Variants in HNRNPH1 observed in about 807,000 individuals in gnomAD.
HNRNPH1 encodes heterogeneous nuclear ribonucleoprotein H.
In HNRNPH1, 4 loss-of-function variants were observed where a neutral mutation model predicts 58.6. The ratio of observed to expected loss-of-function variants is 0.07; its 90% CI spans 0.03 to 0.16. The LOEUF (loss-of-function observed/expected upper bound fraction) is 0.16, where lower values mean the gene tolerates loss of function less well. HNRNPH1 is among the 10% of genes least tolerant of loss of function. The probability of loss-of-function intolerance (pLI) is 1.00; values close to 1 mark genes in which losing one functional copy is unlikely to be tolerated. For missense variants in HNRNPH1, 271 were observed against 564.2 expected, an observed-to-expected ratio of 0.48 and a Z score of 5.26; for synonymous variants, 192 against 189.2, an observed-to-expected ratio of 1.01 and a Z score of -0.12.
intron 10 of HNRNPH1, 192 bp from the exon 12 acceptor site, chr5:179,616,410 A>C: frequency 1.7e-6 from 1 of 599,232 alleles, no homozygotes; most frequent in Non-Finnish European, 3.0e-6. Flanking sequence ...AAATATTGAT[A>C]AACCAAAGTG....
In HNRNPH1 at chr5:179,622,300, G is replaced by T. The variant is rs1401146860; in HGVS notation, c.97+737C>A. 3.3e-5 allele frequency among the ~76,000 whole-genome samples: 5 copies of T among 152,248 alleles called. No individual in the cohort carries two copies. In the East Asian group the frequency reaches 9.6e-4, roughly 29 times the overall value. Reference sequence around the variant, plus strand: ...CCTTTTTAAGAAAACACCAAAACTGGAAACAAGAGGTTACACTTCAAGATA... The same window carrying T: ...CCTTTTTAAGAAAACACCAAAACTGTAAACAAGAGGTTACACTTCAAGATA... On this transcript the variant is annotated intron_variant, in intron 1 of 12. Transcript: ENST00000356731.
exon 13 of HNRNPH1, chr5:179,614,926 C>T (rs1458543752): frequency 7.1e-6 from 11 of 1,549,600 alleles, no homozygotes; most frequent in South Asian, 1.2e-5. Flanking sequence ...GCTTCCACTA[C>T]TGTAGTAGCT....
upstream of HNRNPH1, among the ~76,000 whole-genome samples, chr5:179,627,778 C>T (rs576888628): frequency 5.6e-4 from 81 of 144,436 alleles, 1 homozygote; most frequent in East Asian, 0.01. Context: ...AAAAATTAGC[C>T]GGGCATGGTG....
upstream of HNRNPH1, among the ~76,000 whole-genome samples, chr5:179,628,814 TG>T (rs1391616579): frequency 6.6e-6 from 1 of 151,150 alleles, no homozygotes; most frequent in African/African-American, 2.4e-5. Flanking sequence ...AAAGATCAAG[TG>T]TAGGAAAAAA....
At chr5:179,620,532 TACA>T (rs1488318917) in intron 3 of HNRNPH1, 5 of 194,376 alleles carry the variant, frequency 2.6e-5, no homozygotes, top group Non-Finnish European at 4.2e-5. Context: ...TGCCATAATT[TACA>T]ACAACCTAAT....
chr5:179,614,988 G>A (rs1230502958), intron 12 of HNRNPH1, 29 bp from the exon 14 acceptor site: 23 of 1,276,452 alleles, frequency 1.8e-5, no homozygotes, highest in Non-Finnish European at 2.6e-5. Context: ...GACAAGTTAG[G>A]AGTAATATCA....
chr5:179,630,257 G>A (rs965600005), intron 2 of HNRNPH1, among the ~76,000 whole-genome samples: 3 of 152,194 alleles, frequency 2.0e-5, no homozygotes, highest in Admixed American at 6.5e-5. Context: ...GCTGAGGCAG[G>A]AGAATCGCTT....
In HNRNPH1 at chr5:179,621,415, G is replaced by A. The variant is rs777407317; in HGVS notation, c.98-18C>T. On this transcript the variant is annotated intron_variant, in intron 1 of 12. Coordinates refer to ENST00000356731, the Ensembl canonical transcript of HNRNPH1. ...TTTGCAGTCTGGAAAGAAAACAACC[G>A]TTAATACAGAATTTAAAACCTAAAA... The A allele has an allele frequency of 1.1e-5, 17 of 1,607,722 alleles. No individual in the cohort carries two copies. Among genetic ancestry groups the A allele is most frequent in the African/African-American group, 1.3e-5 (1 of 74,514 alleles).
At chr5:179,616,034 C>T in intron 11 of HNRNPH1, 92 bp downstream of exon 12, 1 of 1,116,500 alleles carries the variant, frequency 9.0e-7, no homozygotes, top group Non-Finnish European at 1.4e-6. Flanking sequence ...ACTCTAAGTA[C>T]AGTAACAGGC....
upstream of HNRNPH1, among the ~76,000 whole-genome samples, chr5:179,624,924 C>G (rs190691684): frequency 6.6e-6 from 1 of 152,276 alleles, no homozygotes; most frequent in Non-Finnish European, 1.5e-5. Context: ...GTAGAGAGGA[C>G]ATCAAAAGAA....
chr5:179,620,771 T>G (rs1365360392), intron 3 of HNRNPH1, 121 bp downstream of exon 4: 1 of 794,056 alleles, frequency 1.3e-6, no homozygotes, highest in Admixed American at 2.6e-5. Context: ...AAGAAAACAT[T>G]AATTCATTGG....
exon 1 of HNRNPH1, chr5:179,624,586 G>C: frequency 2.5e-6 from 1 of 398,790 alleles, no homozygotes. Context: ...ACCAGGCGTA[G>C]ACGCTGCATT....
chr5:179,625,711 T>G (rs1019922969), upstream of HNRNPH1, among the ~76,000 whole-genome samples: 1 of 151,910 alleles, frequency 6.6e-6, no homozygotes, highest in Non-Finnish European at 1.5e-5. Context: ...TTCATACACT[T>G]ATAGCCAATT....
At chr5:179,614,913 A>G (rs1427114545) in exon 13 of HNRNPH1, 1 of 1,550,104 alleles carries the variant, frequency 6.5e-7, no homozygotes, top group East Asian at 2.4e-5. Flanking sequence ...CCATAGATGC[A>G]CGGCTTCCAC....
chr5:179,617,401 A>G (rs1389029961), intron 8 of HNRNPH1, 113 bp downstream of exon 9: 4 of 1,243,112 alleles, frequency 3.2e-6, no homozygotes, highest in Non-Finnish European at 4.5e-6. Flanking sequence ...CCAAGAATTA[A>G]TCTATTACTG....
chr5:179,626,479 A>G (rs1562363147), upstream of HNRNPH1, among the ~76,000 whole-genome samples: 1 of 150,088 alleles, frequency 6.7e-6, no homozygotes, highest in Non-Finnish European at 1.5e-5. Flanking sequence ...GCACTTTGGG[A>G]GGCCGAGGCA....
exon 1 of HNRNPH1, chr5:179,623,212 T>C: frequency 9.3e-7 from 1 of 1,072,502 alleles, no homozygotes. Context: ...TAAGCTGTCC[T>C]TCGCCTCCGA....
In HNRNPH1 at chr5:179,619,035, T is replaced by C. The variant is rs1164549041; in HGVS notation, c.536+234A>G. The C allele has an allele frequency of 2.3e-5, 8 of 340,434 alleles. No individual in the cohort carries two copies. In the East Asian group the frequency reaches 2.6e-4, roughly 11 times the overall value. The allele number at this position is 340,434 out of a possible 1,614,324, so 21.1% of individuals were successfully genotyped here. On this transcript the variant is annotated intron_variant, in intron 4 of 12. Coordinates refer to ENST00000356731, the Ensembl canonical transcript of HNRNPH1. ...AGCCATAGTCTCTCAACTCTATTGATTGGGGTTAATAAGACTCACAAAATT... is the reference window on the plus strand; with the variant it reads ...AGCCATAGTCTCTCAACTCTATTGACTGGGGTTAATAAGACTCACAAAATT...
At chr5:179,614,784 G>GA (rs35827689) in exon 13 of HNRNPH1, 37,816 of 440,238 alleles carry the variant, frequency 0.086, 992 homozygotes, top group Admixed American at 0.16. Context: ...TTTTCTTAAA[G>GA]AAAAAAAAAA....
Sources: gnomAD v4.1 joint callset for allele counts (sites outside exome capture counted in the v4.1 genomes callset) on GRCh38, gnomAD v4.1.1 for gene constraint, MANE v1.5 for transcripts, NCBI Gene and HGNC (gene_info 2026-07-23, HGNC 2026-07-21) for gene names.